UBE2V2: variants seen among roughly 807,000 people sequenced by gnomAD.
UBE2V2 encodes ubiquitin conjugating enzyme E2 V2, also known as ubiquitin-conjugating enzyme E2 variant 2.
In UBE2V2, 9 loss-of-function variants were observed where a neutral mutation model predicts 17.2. That is an observed-to-expected ratio of 0.52 (90% CI 0.32 to 0.91). UBE2V2 has a LOEUF of 0.91. Among genes scored for constraint, UBE2V2 ranks in the 40% least tolerant of loss-of-function variants. The pLI, the probability that UBE2V2 is intolerant of heterozygous loss-of-function variation, is 0.04. For synonymous variants in UBE2V2, 61 were observed against 57.5 expected, an observed-to-expected ratio of 1.06 and a Z score of -0.28; for missense variants, 133 against 182.6, an observed-to-expected ratio of 0.73 and a Z score of 1.56.
At chr8:48,036,375 A>G (rs2091425244) in intron 1 of UBE2V2, among the ~76,000 whole-genome samples, 1 of 152,112 alleles carries the variant, frequency 6.6e-6, no homozygotes, top group Non-Finnish European at 1.5e-5. Context: ...AGTGGGAGGA[A>G]TAGCAAAGAA....
intron 3 of UBE2V2, 76 bp from the exon 4 acceptor site, chr8:48,060,606 T>A: frequency 7.7e-6 from 10 of 1,304,758 alleles, no homozygotes; most frequent in Non-Finnish European, 9.9e-6. Flanking sequence ...ATCATTCTTA[T>A]TAAAATATGC....
chr8:48,007,679 T>C (rs912801546), upstream of UBE2V2, among the ~76,000 whole-genome samples: 2 of 149,654 alleles, frequency 1.3e-5, no homozygotes, highest in African/African-American at 5.0e-5. Flanking sequence ...CCTCCCAAAG[T>C]GTTAGGATTA....
chr8:48,008,483 G>T lies in UBE2V2; in HGVS notation c.16+13G>T. ...GCGGTCTCCACAGGTCGGTTCCCGG[G>T]CCGGGCTGCGTGATTTTCCGCTCCG... On this transcript the variant is annotated intron_variant, in intron 1 of 3. Coordinates refer to ENST00000523111, the MANE Select transcript of UBE2V2 (RefSeq NM_003350.3). 6.4e-7 allele frequency: 1 copy of T among 1,566,800 alleles called. No individual in the cohort carries two copies.
chr8:48,034,077 G>C (rs2091403409), intron 1 of UBE2V2, among the ~76,000 whole-genome samples: 1 of 151,144 alleles, frequency 6.6e-6, no homozygotes, highest in African/African-American at 2.4e-5. Context: ...CTCCAACCTT[G>C]GTAACCACTG....
At chr8:48,023,346 GC>G (rs1297828749) in intron 1 of UBE2V2, among the ~76,000 whole-genome samples, 1 of 151,824 alleles carries the variant, frequency 6.6e-6, no homozygotes, top group African/African-American at 2.4e-5. Flanking sequence ...CTCCTGAGTA[GC>G]TGTGACTACA....
Position 48,063,142 on chromosome 8 carries a change from AC to A in UBE2V2, c.*2319del, listed in dbSNP as rs1184530474. ...CAAATCCACCATTGTGAAGTTGCCAACCCCCTGCCGCCTTCCCCTGCCAAGT... is the reference window on the plus strand; with the variant it reads ...CAAATCCACCATTGTGAAGTTGCCAACCCCTGCCGCCTTCCCCTGCCAAGT... On this transcript the variant is annotated 3_prime_UTR_variant, in exon 4 of 4. Coordinates refer to ENST00000523111, the MANE Select transcript of UBE2V2 (RefSeq NM_003350.3). 1 of 151,968 alleles carries A rather than the reference AC, an allele frequency of 6.6e-6. No homozygotes were observed. Among genetic ancestry groups the A allele is most frequent in the Non-Finnish European group, 1.5e-5 (1 of 68,024 alleles). 9.4% of individuals were successfully genotyped at this position (151,968 alleles called of 1,614,324 possible).
intron 1 of UBE2V2, among the ~76,000 whole-genome samples, chr8:48,034,488 T>G (rs764824904): frequency 1.8e-4 from 28 of 152,286 alleles, no homozygotes; most frequent in Non-Finnish European, 3.8e-4. Context: ...TAGTTTGTCT[T>G]TGGATCCATA....
chr8:48,049,781 T>G (rs536771508), intron 2 of UBE2V2, 72 bp from the exon 3 acceptor site: 63 of 1,395,228 alleles, frequency 4.5e-5, no homozygotes, highest in Non-Finnish European at 5.2e-5. Context: ...TTCCCTTTTT[T>G]TTTTTTAGCA....
chr8:48,002,114 A>C, the UBE2V2 span, among the ~76,000 whole-genome samples: 1 of 152,136 alleles, frequency 6.6e-6, no homozygotes, highest in South Asian at 2.1e-4. Flanking sequence ...CAACAGATCC[A>C]AAAAGACATT....
chr8:48,041,404 C>T (rs774822051), intron 1 of UBE2V2, among the ~76,000 whole-genome samples: 2 of 152,072 alleles, frequency 1.3e-5, no homozygotes, highest in Non-Finnish European at 2.9e-5. Flanking sequence ...ATAGCTTGAA[C>T]CTGGGAGGTG....
Position 48,061,636 on chromosome 8 carries a change from A to G in UBE2V2, c.*808A>G, listed in dbSNP as rs1396014711. 1 of 152,542 alleles carries G rather than the reference A, an allele frequency of 6.6e-6. No homozygotes were observed. Among genetic ancestry groups the G allele is most frequent in the African/African-American group, 2.4e-5 (1 of 41,410 alleles). The allele number at this position is 152,542 out of a possible 1,614,324, so 9.4% of individuals were successfully genotyped here. On this transcript the variant is annotated 3_prime_UTR_variant, in exon 4 of 4. Transcript: ENST00000523111. ...ACCTTGCCAGGGAAGCAAAAATTGGAATTATTGTAGCTTTTCATGTATACA... is the reference window on the plus strand; with the variant it reads ...ACCTTGCCAGGGAAGCAAAAATTGGGATTATTGTAGCTTTTCATGTATACA...
At chr8:48,001,366 G>T in the UBE2V2 span, among the ~76,000 whole-genome samples, 1 of 152,082 alleles carries the variant, frequency 6.6e-6, no homozygotes, top group Non-Finnish European at 1.5e-5. Context: ...TTGGGAGACC[G>T]AGGTGGGCGG....
At chr8:48,034,914 C>A in intron 1 of UBE2V2, 1 of 517,204 alleles carries the variant, frequency 1.9e-6, no homozygotes, top group Non-Finnish European at 2.5e-6. Context: ...GCTTGTTGCC[C>A]GGGACGCCTT....
At chr8:48,001,313 T>C in the UBE2V2 span, among the ~76,000 whole-genome samples, 2 of 152,102 alleles carry the variant, frequency 1.3e-5, no homozygotes, top group African/African-American at 4.8e-5. Flanking sequence ...TGACCAAACC[T>C]ACTACCTTTA....
chr8:48,023,836 A>G (rs1424328617), intron 1 of UBE2V2, among the ~76,000 whole-genome samples: 1 of 152,130 alleles, frequency 6.6e-6, no homozygotes, highest in Non-Finnish European at 1.5e-5. Context: ...AGATTGCGCC[A>G]CTGTACTCCA....
rs1802583956 is a variant in UBE2V2 at position 48,060,996 on chromosome 8, T to C, written c.*168T>C. 1 of 622,974 alleles carries C rather than the reference T, an allele frequency of 1.6e-6. No homozygotes were observed. The highest frequency in any genetic ancestry group is 3.7e-5 in the East Asian group (1 of 27,344). The allele number at this position is 622,974 out of a possible 1,614,324, so 38.6% of individuals were successfully genotyped here. ...TAATATATGTACACCCATTATGTTT[T>C]CAGGTAACAGGAGGAAAAATGCAGC... On this transcript the variant is annotated 3_prime_UTR_variant, in exon 4 of 4. Coordinates refer to ENST00000523111, the MANE Select transcript of UBE2V2 (RefSeq NM_003350.3).
chr8:48,055,315 T>A (rs943429792), intron 3 of UBE2V2, among the ~76,000 whole-genome samples: 3 of 151,420 alleles, frequency 2.0e-5, no homozygotes, highest in African/African-American at 7.3e-5. Flanking sequence ...CTCTCCTGCC[T>A]CAGCCTCCCT....
At chr8:48,034,145 T>TG (rs2091403960) in intron 1 of UBE2V2, among the ~76,000 whole-genome samples, 1 of 151,358 alleles carries the variant, frequency 6.6e-6, no homozygotes, top group Non-Finnish European at 1.5e-5. Context: ...TTTTTTGAGA[T>TG]GGAGTCTCGC....
intron 3 of UBE2V2, among the ~76,000 whole-genome samples, chr8:48,052,705 G>A (rs2091546784): frequency 1.3e-5 from 2 of 152,150 alleles, no homozygotes; most frequent in African/African-American, 2.4e-5. Flanking sequence ...GACAAATTGC[G>A]TCGTGTCATT....
Sources: gnomAD v4.1 joint callset for allele counts (sites outside exome capture counted in the v4.1 genomes callset) on GRCh38, gnomAD v4.1.1 for gene constraint, MANE v1.5 for transcripts, NCBI Gene and HGNC (gene_info 2026-07-23, HGNC 2026-07-21) for gene names.